PCIF1: variants seen among roughly 807,000 people sequenced by gnomAD.
PCIF1 encodes phosphorylated CTD interacting factor 1, also known as mRNA (2'-O-methyladenosine-N(6)-)-methyltransferase.
Under a neutral mutation model 86.9 loss-of-function variants are expected in PCIF1, and 12 were observed. That is an observed-to-expected ratio of 0.14 (90% confidence interval 0.09 to 0.22). The LOEUF (loss-of-function observed/expected upper bound fraction) is 0.22, where lower values mean the gene tolerates loss of function less well. Ranked by LOEUF, PCIF1 falls within the 10% of genes least tolerant of loss-of-function variation. PCIF1 has a pLI of 1.00. For missense variants in PCIF1, 701 were observed against 951.1 expected (o/e 0.74, Z 3.46); for synonymous variants, 397 against 372.0 (o/e 1.07, Z -0.77).
rs2083462265 is a variant in PCIF1 at position 45,940,717 on chromosome 20, G to T, written c.388-92G>T. On this transcript the variant is annotated intron_variant, in intron 5 of 16. Transcript: ENST00000372409. Reference sequence around the variant, plus strand: ...CATTGGCAGGCCAGCCAGGAGGGGGGCCTGGGACACAGTTCACCAGGTGTG... The same window carrying T: ...CATTGGCAGGCCAGCCAGGAGGGGGTCCTGGGACACAGTTCACCAGGTGTG... 1.0e-5 allele frequency: 16 copies of T among 1,568,408 alleles called. No homozygotes were observed. In the South Asian group the frequency reaches 1.9e-4, roughly 18 times the overall value.
chr20:45,941,998 C>T (rs1204425881), intron 7 of PCIF1, among the ~76,000 whole-genome samples: 15 of 137,796 alleles, frequency 1.1e-4, no homozygotes, highest in Middle Eastern at 4.2e-3. Context: ...TTTCTTGAGA[C>T]GGCGTCTCGC....
chr20:45,945,676 G>A (rs779659312), intron 11 of PCIF1, 35 bp from the exon 12 acceptor site: 1 of 1,601,914 alleles, frequency 6.2e-7, no homozygotes, highest in Non-Finnish European at 8.5e-7. Context: ...GTGAGAATGA[G>A]GAGTGTGGTC....
At position 45,935,193 on chromosome 20, in the gene PCIF1, TGCGCGCGCGC is replaced by T. The variant is rs57434270; in HGVS notation, c.-188+398_-188+407del. Among the ~76,000 whole-genome samples the T allele has an allele frequency of 4.4e-3, 632 of 144,780 alleles. 2 individuals carry two copies. Among genetic ancestry groups the T allele is most frequent in the African/African-American group, 0.011 (451 of 39,802 alleles). 95.0% of individuals were successfully genotyped at this position (144,780 alleles called of 152,430 possible). A position where few individuals can be genotyped will look rare whatever the true frequency, so the allele number is the denominator to read the frequency against. On this transcript the variant is annotated intron_variant, in intron 1 of 16. Transcript: ENST00000372409. ...TCGCTGGGGTAGGGGGAGGGGAAGG[TGCGCGCGCGC>T]GCGCGCGCTGGAGCTCGCCTCTCGC...
In PCIF1 at chr20:45,939,034, A is replaced by T; in HGVS notation, c.35A>T (p.Glu12Val). Reference protein sequence around the residue: ...ANENHGSPREEASLLSHSPGT... With the variant: ...ANENHGSPREVASLLSHSPGT... ...GAGAATCACGGCAGCCCCCGGGAGG[A>T]AGCGTCCCTGCTGAGTCACTCCCCA... The change falls in exon 3 of 17, where the codon GAA (glutamate) becomes GTA (valine). Residue 12 changes from glutamate (E) to valine (V), a missense_variant. This residue lies in a region of PCIF1 where 60 missense variants were observed against 58.6 expected (regional missense o/e 1.02). Transcript: ENST00000372409. The T allele has an allele frequency of 6.2e-7, 1 of 1,613,722 alleles. No homozygotes were observed. The highest frequency in any genetic ancestry group is 2.2e-5 in the East Asian group (1 of 44,860).
rs1296733938 is a variant in PCIF1 at position 45,947,284 on chromosome 20, G to A, written c.1729G>A (p.Glu577Lys). 1.2e-6 allele frequency: 2 copies of A among 1,613,060 alleles called. No homozygotes were observed. Among genetic ancestry groups the A allele is most frequent in the South Asian group, 1.1e-5 (1 of 91,054 alleles). The change falls in exon 16 of 17, where the codon GAG becomes AAG. Residue 577 changes from glutamate (E) to lysine (K), a missense_variant. Physicochemically the swap from Glu to Lys is moderately conservative, Grantham distance 56 (BLOSUM62 1). Around this residue, in one of 7 missense-constraint regions of PCIF1, gnomAD observed 174 missense variants for 206.9 expected, o/e 0.84. Transcript: ENST00000372409. The surrounding 1 kb of genome is among the most constrained non-coding windows in gnomAD (Gnocchi z 5.4). ...HFERLLESSP[E>K]PLSFIVFIPE... is the part of the protein sequence containing the mutation. ...ACAGAGACTGCTTGAGAGCTCACCG[G>A]AGCCCCTGTCCTTCATCGTGTTCAT... is the stretch of plus-strand genomic sequence containing the variant.
Position 45,947,067 on chromosome 20 carries a change from C to A in PCIF1, c.1614-6C>A. 2 of 1,606,030 alleles carry A rather than the reference C, an allele frequency of 1.2e-6. No homozygotes were observed. The highest frequency in any genetic ancestry group is 8.5e-7 in the Non-Finnish European group (1 of 1,174,082). On this transcript the variant is annotated splice_polypyrimidine_tract_variant and splice_region_variant and intron_variant, in intron 14 of 16. Transcript: ENST00000372409. The surrounding 1 kb of genome is among the most constrained non-coding windows in gnomAD (Gnocchi z 5.4). Reference sequence around the variant, plus strand: ...TGGGACTTAGAATGCTCACTCCTGTCCCCAGGCCCTGCCTAGACTTTGCTC... The same window carrying A: ...TGGGACTTAGAATGCTCACTCCTGTACCCAGGCCCTGCCTAGACTTTGCTC...
At chr20:45,944,753 C>G in intron 10 of PCIF1, 115 bp from the exon 11 acceptor site, 4 of 1,124,196 alleles carry the variant, frequency 3.6e-6, no homozygotes, top group Non-Finnish European at 5.0e-6. Context: ...TAGTCAGCAG[C>G]AGAGCTGGTT....
chr20:45,936,747 A>G (rs569977141), intron 1 of PCIF1, among the ~76,000 whole-genome samples: 2 of 152,120 alleles, frequency 1.3e-5, no homozygotes, highest in South Asian at 2.1e-4. Flanking sequence ...CCTGGCCAAC[A>G]TGGTGAAATC....
chr20:45,942,808 T>G (rs943337015), intron 7 of PCIF1, among the ~76,000 whole-genome samples: 11 of 141,292 alleles, frequency 7.8e-5, no homozygotes, highest in African/African-American at 2.9e-4. Context: ...AGACAGGCTG[T>G]TACTGTGTTG....
Position 45,943,538 on chromosome 20 carries a change from C to T in PCIF1, c.905+115C>T. 7.5e-7 allele frequency: 1 copy of T among 1,336,242 alleles called. No individual in the cohort carries two copies. Among genetic ancestry groups the T allele is most frequent in the Non-Finnish European group, 1.0e-6 (1 of 963,250 alleles). The allele number at this position is 1,336,242 out of a possible 1,614,324, so 82.8% of individuals were successfully genotyped here. ...ATTGCTCTCGGTGGCAGAAGTGGGG[C>T]CAGCTCCCAAAGGCAGAACAAGGGC... On this transcript the variant is annotated intron_variant, in intron 9 of 16. Coordinates refer to ENST00000372409, the MANE Select transcript of PCIF1 (RefSeq NM_022104.4). The surrounding 1 kb of genome is among the most constrained non-coding windows in gnomAD (Gnocchi z 5.5).
At position 45,939,200 on chromosome 20, in the gene PCIF1, C is replaced by T. The variant is rs771219599; in HGVS notation, c.125-15C>T. On this transcript the variant is annotated splice_polypyrimidine_tract_variant and intron_variant, in intron 3 of 16. Coordinates refer to ENST00000372409, the MANE Select transcript of PCIF1 (RefSeq NM_022104.4). ...AGCAGTCCTGACCCTGGCTGGGCTC[C>T]GTGCCTGTTTGCAGAGGAGCTGGTG... 39 of 1,613,854 alleles carry T rather than the reference C, an allele frequency of 2.4e-5. No individual in the cohort carries two copies. The highest frequency in any genetic ancestry group is 1.6e-4 in the East Asian group (7 of 44,898).
intron 7 of PCIF1, among the ~76,000 whole-genome samples, chr20:45,941,700 C>T (rs1158270545): frequency 3.3e-5 from 5 of 152,098 alleles, no homozygotes; most frequent in East Asian, 3.9e-4. Flanking sequence ...CCTTGTGATG[C>T]GCCCGCCTCA....
At chr20:45,937,686 T>A in intron 2 of PCIF1, 101 bp downstream of exon 2, 1 of 398,182 alleles carries the variant, frequency 2.5e-6, no homozygotes, top group East Asian at 3.6e-5. Flanking sequence ...AGCTTCATTT[T>A]TTTCGTACCT....
Position 45,947,667 on chromosome 20 carries a change from C to G in PCIF1, c.2027C>G (p.Ser676Cys). The change falls in exon 17 of 17, where the codon TCT (serine) becomes TGT (cysteine). Residue 676 changes from serine to cysteine, a missense_variant. By Grantham distance (112) the Ser-to-Cys change is moderately radical (BLOSUM62 -1). This residue lies in a region of PCIF1 where 174 missense variants were observed against 206.9 expected (regional missense o/e 0.84). Coordinates refer to ENST00000372409, the MANE Select transcript of PCIF1 (RefSeq NM_022104.4). This position sits in a 1 kb window ranked among gnomAD's most constrained non-coding sequence, Gnocchi z 5.4. ...CGGCAGTCAGGCCGCAGCCACAGCT[C>G]TGGTTCTTCCTCATCGTCCTCCTCG... ...AYRQSGRSHS[S>C]GSSSSSSSEA... The G allele has an allele frequency of 6.2e-7, 1 of 1,612,222 alleles. No individual in the cohort carries two copies. The highest frequency in any genetic ancestry group is 8.5e-7 in the Non-Finnish European group (1 of 1,179,500).
intron 4 of PCIF1, among the ~76,000 whole-genome samples, chr20:45,939,812 G>C (rs970810687): frequency 6.6e-6 from 1 of 152,166 alleles, no homozygotes; most frequent in Non-Finnish European, 1.5e-5. Flanking sequence ...ATGTCAGTAC[G>C]ACGGGAAGTA....
chr20:45,935,191 G>GGTGC (rs1042106450), intron 1 of PCIF1, among the ~76,000 whole-genome samples: 14 of 150,492 alleles, frequency 9.3e-5, no homozygotes, highest in Admixed American at 2.6e-4. Context: ...GGGAGGGGAA[G>GGTGC]GTGCGCGCGC....
intron 7 of PCIF1, among the ~76,000 whole-genome samples, 192 bp from the exon 8 acceptor site, chr20:45,942,905 G>A (rs767592610): frequency 4.1e-5 from 6 of 147,880 alleles, no homozygotes; most frequent in East Asian, 2.0e-4. Flanking sequence ...GAGCCACTAC[G>A]CCTGGCTAGA....
At position 45,943,493 on chromosome 20, in the gene PCIF1, C is replaced by G. The variant is rs1397466315; in HGVS notation, c.905+70C>G. On this transcript the variant is annotated intron_variant, in intron 9 of 16. Transcript: ENST00000372409. This position sits in a 1 kb window ranked among gnomAD's most constrained non-coding sequence, Gnocchi z 5.5. ...GTGGCAGGTCATAGGCCATCTTGCC[C>G]AGTCTCATGCAGGGCTGTCATTGCT... 1 of 1,464,168 alleles carries G rather than the reference C, an allele frequency of 6.8e-7. No homozygotes were observed. Among genetic ancestry groups the G allele is most frequent in the African/African-American group, 1.4e-5 (1 of 71,474 alleles). The allele number at this position is 1,464,168 out of a possible 1,614,324, so 90.7% of individuals were successfully genotyped here. A position where few individuals can be genotyped will look rare whatever the true frequency, so the allele number is the denominator to read the frequency against.
Position 45,941,112 on chromosome 20 carries a change from A to C in PCIF1, c.578A>C (p.Glu193Ala). 1 of 1,614,206 alleles carries C rather than the reference A, an allele frequency of 6.2e-7. No homozygotes were observed. Among genetic ancestry groups the C allele is most frequent in the Non-Finnish European group, 8.5e-7 (1 of 1,180,028 alleles). ...GTCATCAAGCACCGGGGGCCTTCAGAGGTGCTGCCCCCGCATCCCGAAGTG... is the reference window on the plus strand; with the variant it reads ...GTCATCAAGCACCGGGGGCCTTCAGCGGTGCTGCCCCCGCATCCCGAAGTG... ...NAVIKHRGPS[E>A]VLPPHPEVEL... Residue 193 changes from glutamate to alanine, a missense_variant, in exon 7 of 17, where the codon GAG becomes GCG. Glu to Ala is a moderately radical substitution (Grantham distance 107). Coordinates refer to ENST00000372409, the MANE Select transcript of PCIF1 (RefSeq NM_022104.4).
Sources: allele counts gnomAD v4.1 joint callset (sites outside exome capture counted in the v4.1 genomes callset), GRCh38; gene constraint gnomAD v4.1.1; regional missense constraint gnomAD v4.1.1; non-coding constraint Gnocchi (gnomAD v3.1); transcripts MANE v1.5; gene names NCBI Gene and HGNC (gene_info 2026-07-23, HGNC 2026-07-21).